The following DMGDH variants were observed in gnomAD, a reference collection of about 807,000 sequenced individuals.
The protein encoded by DMGDH is dimethylglycine dehydrogenase, mitochondrial.
In DMGDH, 76 loss-of-function variants were observed where a neutral mutation model predicts 95.2. The observed-to-expected ratio is 0.80, with a 90% confidence interval of 0.66 to 0.97. The LOEUF is 0.97. Ranked by LOEUF, DMGDH falls within the 50% of genes least tolerant of loss-of-function variation. The probability of loss-of-function intolerance (pLI) is 0.00; values close to 1 mark genes in which losing one functional copy is unlikely to be tolerated. For missense variants in DMGDH, 987 were observed against 1,055.0 expected (o/e 0.94, Z 0.89); for synonymous variants, 345 against 377.6 (o/e 0.91, Z 1.00).
In DMGDH at chr5:79,026,519, T is replaced by A; in HGVS notation, c.2095A>T (p.Met699Leu). The change falls in exon 13 of 16, where the codon ATG becomes TTG. Residue 699 changes from methionine (M) to leucine (L), a missense_variant. Met to Leu is a conservative substitution (Grantham distance 15). Transcript: ENST00000255189. ...EDSVALYDAI[M>L]NAGQEEGIDN... ...ATTCCCTCCTCCTGGCCTGCATTCA[T>A]GATAGCGTCATACAGCGCCACAGAA... is the stretch of plus-strand genomic sequence containing the variant. The A allele has an allele frequency of 6.2e-7, 1 of 1,614,180 alleles. No homozygotes were observed. Among genetic ancestry groups the A allele is most frequent in the Non-Finnish European group, 8.5e-7 (1 of 1,180,032 alleles).
rs1359602887 is a variant in DMGDH, at chr5:79,054,303, G to T, written c.421C>A (p.Pro141Thr). ...TATTTAAATTCATCTACCCTTACAG[G>T]GGTGGTAGCAAGTCTGATACTACCT... ...QPGSIRLATT[P>T]VRVDEFKYQM... The change falls in exon 4 of 16, where the codon CCT (proline) becomes ACT (threonine). Residue 141 changes from proline (P) to threonine (T), a missense_variant. Pro to Thr is a conservative substitution (Grantham distance 38). Coordinates refer to ENST00000255189, the MANE Select transcript of DMGDH (RefSeq NM_013391.3). 6.2e-7 allele frequency: 1 copy of T among 1,613,910 alleles called. No homozygotes were observed. The highest frequency in any genetic ancestry group is 2.2e-5 in the East Asian group (1 of 44,886).
At chr5:79,013,325 C>G (rs754346909) in intron 14 of DMGDH, among the ~76,000 whole-genome samples, 1 of 152,152 alleles carries the variant, frequency 6.6e-6, no homozygotes, top group Non-Finnish European at 1.5e-5. Flanking sequence ...ATTCCCATTC[C>G]CAATAAGTTC....
At position 79,028,548 on chromosome 5, in the gene DMGDH, C is replaced by G; in HGVS notation, c.1917G>C (p.Lys639Asn). 6.2e-7 allele frequency: 1 copy of G among 1,614,088 alleles called. No individual in the cohort carries two copies. Among genetic ancestry groups the G allele is most frequent in the African/African-American group, 1.3e-5 (1 of 75,016 alleles). Residue 639 changes from lysine to asparagine, a missense_variant, in exon 12 of 16, where the codon AAG becomes AAC. Transcript: ENST00000255189. ...CTTCAGAGGTCAGTTTCTGAAGGAC[C>G]TTTCTTGCCTGTGGCCCAGCAACTC... ...VLGVAGPQAR[K>N]VLQKLTSEDL...
Position 79,029,987 on chromosome 5 carries a change from C to T in DMGDH, c.1731G>A (p.Val577=), listed in dbSNP as rs1158341917. ...ISHMLTPKGR[V]YAELTVSHQS... Reference sequence around the variant, plus strand: ...GGTGAGAAACAGTCAGCTCAGCATACACTCGACCCTTGGGTGTTAACATGT... The same window carrying T: ...GGTGAGAAACAGTCAGCTCAGCATATACTCGACCCTTGGGTGTTAACATGT... Residue 577 remains valine, a synonymous_variant, in exon 11 of 16, where the codon GTG becomes GTA. Coordinates refer to ENST00000255189, the MANE Select transcript of DMGDH (RefSeq NM_013391.3). The T allele has an allele frequency of 6.2e-7, 1 of 1,614,072 alleles. No individual in the cohort carries two copies. Among genetic ancestry groups the T allele is most frequent in the South Asian group, 1.1e-5 (1 of 91,074 alleles).
intron 1 of DMGDH, among the ~76,000 whole-genome samples, chr5:79,067,501 G>T (rs748436606): frequency 3.3e-5 from 5 of 152,190 alleles, no homozygotes; most frequent in Non-Finnish European, 5.9e-5. Flanking sequence ...ACCTGGGTTT[G>T]AGTCCCCAAT....
chr5:79,064,466 G>C (rs912598055), intron 1 of DMGDH, among the ~76,000 whole-genome samples: 6 of 152,116 alleles, frequency 3.9e-5, no homozygotes, highest in Admixed American at 3.9e-4. Flanking sequence ...AGAGGTGAGT[G>C]AATGTGAAGG....
chr5:79,068,627 A>G (rs1755449254), intron 1 of DMGDH, among the ~76,000 whole-genome samples: 1 of 152,242 alleles, frequency 6.6e-6, no homozygotes, highest in African/African-American at 2.4e-5. Flanking sequence ...CCAGAATTTC[A>G]GGTCATAGGA....
At chr5:79,048,101 C>A (rs1174994237) in intron 5 of DMGDH, among the ~76,000 whole-genome samples, 1 of 152,116 alleles carries the variant, frequency 6.6e-6, no homozygotes, top group East Asian at 1.9e-4. Flanking sequence ...CAGACTACGG[C>A]ATGGAATATC....
At chr5:79,002,179 G>C (rs1416092513) in intron 15 of DMGDH, among the ~76,000 whole-genome samples, 1 of 152,156 alleles carries the variant, frequency 6.6e-6, no homozygotes. Flanking sequence ...CATAATTTAA[G>C]TTTGATGTTC....
chr5:79,027,169 G>A (rs1381238743), intron 12 of DMGDH, among the ~76,000 whole-genome samples: 2 of 152,046 alleles, frequency 1.3e-5, no homozygotes, highest in African/African-American at 2.4e-5. Context: ...GCTTATTTTT[G>A]TGTTCTTGTT....
At position 79,044,565 on chromosome 5, in the gene DMGDH, A is replaced by T. The variant is rs1754615828; in HGVS notation, c.746-13T>A. The T allele has an allele frequency of 6.2e-7, 1 of 1,613,536 alleles. No homozygotes were observed. ...CGAGCCCAAAATCCTTAAACAAAAA[A>T]ATCATTTAAAAGTGTCAGCCCATAT... On this transcript the variant is annotated splice_polypyrimidine_tract_variant and intron_variant, in intron 5 of 15. Transcript: ENST00000255189.
chr5:78,997,777 G>A lies in DMGDH; in HGVS notation c.*305C>T, dbSNP rs1753385614. 3.0e-6 allele frequency: 1 copy of A among 336,752 alleles called. No individual in the cohort carries two copies. The highest frequency in any genetic ancestry group is 4.6e-5 in the Admixed American group (1 of 21,678). 20.9% of individuals were successfully genotyped at this position (336,752 alleles called of 1,614,324 possible). On this transcript the variant is annotated 3_prime_UTR_variant, in exon 16 of 16. Transcript: ENST00000255189. ...AAAATTATAAAATGTCCCTTAATTA[G>A]GTTATAGTAATGATTGTGTATATTA...
intron 14 of DMGDH, chr5:79,021,297 T>C: frequency 2.8e-6 from 3 of 1,083,044 alleles, no homozygotes; most frequent in Non-Finnish European, 3.4e-6. Flanking sequence ...GTTCCTGAAA[T>C]ATTATTTGTT....
chr5:79,029,894 G>A lies in DMGDH; in HGVS notation c.1814+10C>T, dbSNP rs200459665. On this transcript the variant is annotated intron_variant, in intron 11 of 15. Coordinates refer to ENST00000255189, the MANE Select transcript of DMGDH (RefSeq NM_013391.3). ...TGTGTACAAAATTTTCTTACTAGGT[G>A]TGCACTTACCTAAGATCATGAAGTT... The A allele has an allele frequency of 1.6e-4, 262 of 1,613,798 alleles. No individual in the cohort carries two copies. Among genetic ancestry groups the A allele is most frequent in the Non-Finnish European group, 2.2e-4 (255 of 1,179,816 alleles).
chr5:78,999,427 T>C (rs1753415464), intron 15 of DMGDH, among the ~76,000 whole-genome samples: 1 of 152,116 alleles, frequency 6.6e-6, no homozygotes, highest in Non-Finnish European at 1.5e-5. Context: ...GCCTCCCAGG[T>C]TCATGCCATT....
chr5:79,023,868 A>C (rs1753926660), intron 14 of DMGDH, among the ~76,000 whole-genome samples: 1 of 152,260 alleles, frequency 6.6e-6, no homozygotes, highest in Non-Finnish European at 1.5e-5. Flanking sequence ...GTGAGTATCC[A>C]GAAGGATCAA....
intron 11 of DMGDH, among the ~76,000 whole-genome samples, chr5:79,029,368 C>T (rs3797541): frequency 0.065 from 9,866 of 152,120 alleles, 698 homozygotes; most frequent in African/African-American, 0.16. Context: ...GAATATTAGA[C>T]TAAAGACTTT....
intron 9 of DMGDH, 141 bp from the exon 10 acceptor site, chr5:79,031,139 A>G (rs1754165208): frequency 3.7e-6 from 3 of 814,784 alleles, no homozygotes; most frequent in Non-Finnish European, 4.0e-6. Flanking sequence ...GAGACCATGC[A>G]ACCTGAAATT....
intron 14 of DMGDH, among the ~76,000 whole-genome samples, chr5:79,012,216 C>A (rs1381597119): frequency 6.6e-6 from 1 of 152,194 alleles, no homozygotes; most frequent in Non-Finnish European, 1.5e-5. Flanking sequence ...AAGAAAGGAG[C>A]TATAAGCCCC....
Sources: allele counts gnomAD v4.1 joint callset (sites outside exome capture counted in the v4.1 genomes callset), GRCh38; gene constraint gnomAD v4.1.1; transcripts MANE v1.5; gene names NCBI Gene and HGNC (gene_info 2026-07-23, HGNC 2026-07-21).